The following ANO10 variants were observed in gnomAD, a reference collection of about 807,000 sequenced individuals.
ANO10 encodes the protein anoctamin-10.
A neutral mutation model predicts 74.7 loss-of-function variants in ANO10; 77 were observed. The observed-to-expected ratio is 1.03, with a 90% CI of 0.86 to 1.25. The LOEUF is 1.25. ANO10 is among the 50% of genes most tolerant of loss of function. The pLI, the probability that ANO10 is intolerant of heterozygous loss-of-function variation, is 0.00. For synonymous variants in ANO10, 279 were observed against 284.9 expected (o/e 0.98, Z 0.21); for missense variants, 721 against 778.1 (o/e 0.93, Z 0.87).
intron 1 of ANO10, among the ~76,000 whole-genome samples, chr3:43,634,221 A>G (rs1408148335): frequency 6.6e-6 from 1 of 152,172 alleles, no homozygotes; most frequent in East Asian, 1.9e-4. Context: ...TCTACAGCCT[A>G]CACAGGTAAC....
At chr3:43,509,019 C>T (rs1418315484) in intron 11 of ANO10, among the ~76,000 whole-genome samples, 1 of 150,544 alleles carries the variant, frequency 6.6e-6, no homozygotes, top group Non-Finnish European at 1.5e-5. Flanking sequence ...ACATATACAT[C>T]ATGGAATACT....
chr3:43,630,655 C>T (rs577744422), intron 1 of ANO10, among the ~76,000 whole-genome samples: 65 of 152,304 alleles, frequency 4.3e-4, no homozygotes, highest in African/African-American at 1.3e-3. Context: ...TACTGTCCCC[C>T]AGAGCACAAG....
At chr3:43,579,302 T>C (rs2081158102) in intron 5 of ANO10, among the ~76,000 whole-genome samples, 1 of 152,202 alleles carries the variant, frequency 6.6e-6, no homozygotes, top group African/African-American at 2.4e-5. Flanking sequence ...CCTCAAAAGA[T>C]GTTTGGCCTG....
At chr3:43,574,516 C>A (rs1276002633) in intron 7 of ANO10, among the ~76,000 whole-genome samples, 1 of 152,116 alleles carries the variant, frequency 6.6e-6, no homozygotes, top group Non-Finnish European at 1.5e-5. Flanking sequence ...CAGCATAGGC[C>A]TTCCAAAGTG....
At chr3:43,650,844 C>T (rs1353887006) in intron 1 of ANO10, among the ~76,000 whole-genome samples, 1 of 152,174 alleles carries the variant, frequency 6.6e-6, no homozygotes, top group Non-Finnish European at 1.5e-5. Flanking sequence ...AATTTGCTAA[C>T]TCTGAAAGAA....
intron 12 of ANO10, among the ~76,000 whole-genome samples, chr3:43,407,529 T>C (rs1014275053): frequency 2.6e-5 from 4 of 152,196 alleles, no homozygotes; most frequent in African/African-American, 9.6e-5. Context: ...CAGCAGTGCA[T>C]GTACCACCTT....
chr3:43,566,688 A>C (rs1180971474), intron 7 of ANO10, among the ~76,000 whole-genome samples: 1 of 152,232 alleles, frequency 6.6e-6, no homozygotes, highest in East Asian at 1.9e-4. Flanking sequence ...CCATCTGTAC[A>C]TCACCATCAT....
intron 1 of ANO10, among the ~76,000 whole-genome samples, chr3:43,611,834 G>A (rs943700391): frequency 6.6e-6 from 1 of 152,086 alleles, no homozygotes; most frequent in Non-Finnish European, 1.5e-5. Context: ...AAGGCTGATA[G>A]TAAAATAAGT....
At chr3:43,566,666 C>T (rs2080367683) in intron 7 of ANO10, among the ~76,000 whole-genome samples, 1 of 152,112 alleles carries the variant, frequency 6.6e-6, no homozygotes, top group Admixed American at 6.5e-5. Flanking sequence ...AAAGGACATC[C>T]ACACCAAAAA....
At chr3:43,564,709 T>C (rs2080223780) in intron 8 of ANO10, among the ~76,000 whole-genome samples, 1 of 152,200 alleles carries the variant, frequency 6.6e-6, no homozygotes, top group Admixed American at 6.5e-5. Context: ...TCTCTGAAGA[T>C]TTACTAGGGA....
chr3:43,418,790 G>T (rs1385554821), intron 12 of ANO10, among the ~76,000 whole-genome samples: 1 of 152,224 alleles, frequency 6.6e-6, no homozygotes, highest in Non-Finnish European at 1.5e-5. Flanking sequence ...GGCAGGAACT[G>T]CAGTCATTCA....
intron 11 of ANO10, among the ~76,000 whole-genome samples, chr3:43,523,556 T>C (rs1433993123): frequency 6.6e-6 from 1 of 152,086 alleles, no homozygotes; most frequent in Non-Finnish European, 1.5e-5. Flanking sequence ...CACAAGGCAC[T>C]GAGTGGAGAA....
intron 12 of ANO10, among the ~76,000 whole-genome samples, chr3:43,419,261 A>G (rs553676276): frequency 6.6e-6 from 1 of 152,224 alleles, no homozygotes; most frequent in Non-Finnish European, 1.5e-5. Context: ...ACAGTATTCT[A>G]CTGATCACAC....
chr3:43,577,081 A>C lies in ANO10; in HGVS notation c.773T>G (p.Leu258Arg). 2 of 1,614,222 alleles carry C rather than the reference A, an allele frequency of 1.2e-6. No individual in the cohort carries two copies. Among genetic ancestry groups the C allele is most frequent in the Non-Finnish European group, 1.7e-6 (2 of 1,180,046 alleles). The part of the protein sequence containing the change: ...SFNLIWSTVI[L>R]ELWKRGCANM... ...GGCACAGCCACGCTTCCACAGTTCC[A>C]GAATCACCGTGGACCAGATGAGGTT... Residue 258 changes from leucine (L) to arginine (R), a missense_variant, in exon 6 of 13, where the codon CTG becomes CGG. Physicochemically the swap from Leu to Arg is moderately radical, Grantham distance 102. Coordinates refer to ENST00000292246, the MANE Select transcript of ANO10 (RefSeq NM_018075.5).
chr3:43,454,676 A>T (rs999334069), intron 11 of ANO10, among the ~76,000 whole-genome samples: 4 of 152,116 alleles, frequency 2.6e-5, no homozygotes, highest in African/African-American at 9.7e-5. Flanking sequence ...AGGAGAGAGG[A>T]GTCAGGTAAG....
chr3:43,449,547 C>A (rs1025228820), intron 11 of ANO10, among the ~76,000 whole-genome samples: 1 of 84,130 alleles, frequency 1.2e-5, no homozygotes. Context: ...TATGTGATGT[C>A]CAGTTGTTAC....
intron 11 of ANO10, among the ~76,000 whole-genome samples, chr3:43,542,119 C>G (rs1395167518): frequency 6.6e-6 from 1 of 152,142 alleles, no homozygotes; most frequent in Non-Finnish European, 1.5e-5. Flanking sequence ...TAGGTGAGAG[C>G]TCCTGAACTG....
At chr3:43,497,502 T>C (rs900194179) in intron 11 of ANO10, among the ~76,000 whole-genome samples, 2 of 152,144 alleles carry the variant, frequency 1.3e-5, no homozygotes, top group Non-Finnish European at 2.9e-5. Flanking sequence ...AAAACTCCAG[T>C]CCCAGAAAAG....
intron 11 of ANO10, among the ~76,000 whole-genome samples, chr3:43,526,680 C>T (rs1228189159): frequency 6.6e-6 from 1 of 152,150 alleles, no homozygotes; most frequent in Non-Finnish European, 1.5e-5. Flanking sequence ...ATGTTCACTT[C>T]TTGACACTTC....
Sources: gnomAD v4.1 joint callset for allele counts (sites outside exome capture counted in the v4.1 genomes callset) on GRCh38, gnomAD v4.1.1 for gene constraint, MANE v1.5 for transcripts, NCBI Gene and HGNC (gene_info 2026-07-23, HGNC 2026-07-21) for gene names.